The following CTNNA3 variants were observed in gnomAD, a reference collection of about 807,000 sequenced individuals.
CTNNA3 encodes the protein catenin alpha-3.
A neutral mutation model predicts 95.7 loss-of-function variants in CTNNA3; 76 were observed. That is an observed-to-expected ratio of 0.79 (90% CI 0.66 to 0.96). CTNNA3 has a LOEUF of 0.96. Among genes scored for constraint, CTNNA3 ranks in the 40% least tolerant of loss-of-function variants. The pLI, the probability that CTNNA3 is intolerant of heterozygous loss-of-function variation, is 0.00. For missense variants in CTNNA3, 1,191 were observed against 1,089.8 expected (o/e 1.09, Z -1.31); for synonymous variants, 431 against 374.4 (o/e 1.15, Z -1.74).
intron 2 of CTNNA3, among the ~76,000 whole-genome samples, chr10:67,629,187 T>C (rs1249470552): frequency 2.0e-5 from 3 of 152,162 alleles, no homozygotes; most frequent in African/African-American, 7.2e-5. Context: ...TTTTAAAGGC[T>C]ACAATTCCCC....
intron 5 of CTNNA3, among the ~76,000 whole-genome samples, chr10:67,252,896 A>C (rs1290508367): frequency 1.3e-5 from 2 of 152,214 alleles, no homozygotes; most frequent in Non-Finnish European, 2.9e-5. Flanking sequence ...TATGCACTGT[A>C]TCTGTAAAGT....
At chr10:67,563,249 G>C (rs559267848) in intron 3 of CTNNA3, among the ~76,000 whole-genome samples, 3 of 152,080 alleles carry the variant, frequency 2.0e-5, no homozygotes, top group Non-Finnish European at 4.4e-5. Context: ...ATACTACAAG[G>C]CTACAGTAAC....
At chr10:66,789,398 C>T (rs568938990) in intron 7 of CTNNA3, among the ~76,000 whole-genome samples, 1 of 152,188 alleles carries the variant, frequency 6.6e-6, no homozygotes, top group Admixed American at 6.5e-5. Context: ...TGGTCTTGAA[C>T]TCCTGACCAC....
At chr10:66,706,690 C>T (rs115557692) in intron 9 of CTNNA3, among the ~76,000 whole-genome samples, 2 of 152,058 alleles carry the variant, frequency 1.3e-5, no homozygotes, top group African/African-American at 4.8e-5. Context: ...TAATCCTTTA[C>T]CCTAAAAATT....
intron 11 of CTNNA3, among the ~76,000 whole-genome samples, chr10:66,489,010 G>C (rs760491561): frequency 5.9e-5 from 9 of 152,030 alleles, no homozygotes; most frequent in Admixed American, 2.0e-4. Flanking sequence ...GAAGAGGAGA[G>C]GGATTTCAGT....
At chr10:65,973,525 G>A (rs2078150659) in intron 16 of CTNNA3, among the ~76,000 whole-genome samples, 1 of 152,052 alleles carries the variant, frequency 6.6e-6, no homozygotes. Context: ...ATTAAAAATG[G>A]GTAAATGGTA....
intron 10 of CTNNA3, among the ~76,000 whole-genome samples, chr10:66,606,041 G>T (rs1225446373): frequency 2.0e-5 from 3 of 151,868 alleles, no homozygotes; most frequent in African/African-American, 4.8e-5. Context: ...GATTTCACAT[G>T]CAATGACACC....
At chr10:66,860,251 A>G (rs1843863598) in intron 7 of CTNNA3, among the ~76,000 whole-genome samples, 1 of 152,190 alleles carries the variant, frequency 6.6e-6, no homozygotes, top group Non-Finnish European at 1.5e-5. Flanking sequence ...AATGGACTTT[A>G]GAAATAATCT....
Position 66,829,106 on chromosome 10 carries a change from G to A in CTNNA3, c.1048-53582C>T, listed in dbSNP as rs184991983. 3.9e-5 allele frequency among the ~76,000 whole-genome samples: 6 copies of A among 152,262 alleles called. No individual in the cohort carries two copies. In the East Asian group the frequency reaches 1.2e-3, roughly 29 times the overall value. ...AACAATAAAGGAAGGATATCCTTGG[G>A]CCACTCCATGTCAATAGCTAGAAAA... On this transcript the variant is annotated intron_variant, in intron 7 of 17. Coordinates refer to ENST00000433211, the MANE Select transcript of CTNNA3 (RefSeq NM_013266.4).
intron 17 of CTNNA3, among the ~76,000 whole-genome samples, chr10:65,965,134 A>G (rs2077929699): frequency 6.6e-6 from 1 of 152,156 alleles, no homozygotes; most frequent in African/African-American, 2.4e-5. Flanking sequence ...AGAATGCAAT[A>G]CCATCTTATA....
At chr10:66,059,045 C>A (rs2080141969) in intron 15 of CTNNA3, among the ~76,000 whole-genome samples, 1 of 151,494 alleles carries the variant, frequency 6.6e-6, no homozygotes, top group African/African-American at 2.4e-5. Context: ...GAAGGTTGGC[C>A]CATTACCAGA....
chr10:66,619,764 G>A (rs992275241), intron 10 of CTNNA3, among the ~76,000 whole-genome samples: 10 of 151,492 alleles, frequency 6.6e-5, no homozygotes, highest in African/African-American at 2.4e-4. Flanking sequence ...CTGTCCATAT[G>A]GCCATATGTG....
At chr10:67,627,594 C>T (rs1489944965) in intron 2 of CTNNA3, among the ~76,000 whole-genome samples, 1 of 152,026 alleles carries the variant, frequency 6.6e-6, no homozygotes, top group Non-Finnish European at 1.5e-5. Flanking sequence ...ATGTTTGAGT[C>T]ATTTCTAAGT....
intron 7 of CTNNA3, among the ~76,000 whole-genome samples, chr10:66,821,204 T>C (rs951826581): frequency 6.6e-6 from 1 of 152,176 alleles, no homozygotes; most frequent in Admixed American, 6.6e-5. Flanking sequence ...AAAATTGTAA[T>C]TAGATATGCT....
At chr10:66,788,382 G>A (rs909990079) in intron 7 of CTNNA3, among the ~76,000 whole-genome samples, 3 of 152,130 alleles carry the variant, frequency 2.0e-5, no homozygotes, top group Non-Finnish European at 4.4e-5. Context: ...CAAAGCTCCC[G>A]ATGAAGCACA....
chr10:66,589,617 T>C (rs1486527), intron 10 of CTNNA3, among the ~76,000 whole-genome samples: 43,231 of 152,058 alleles, frequency 0.28, 6,559 homozygotes, highest in Middle Eastern at 0.43. Flanking sequence ...AAAGCACCTA[T>C]TCCTTTTTAC....
At chr10:66,373,568 C>T (rs1417071436) in intron 12 of CTNNA3, among the ~76,000 whole-genome samples, 1 of 148,568 alleles carries the variant, frequency 6.7e-6, no homozygotes, top group Non-Finnish European at 1.5e-5. Flanking sequence ...GATCTGCAGA[C>T]AGAAACCTCT....
intron 5 of CTNNA3, among the ~76,000 whole-genome samples, chr10:67,422,310 C>G (rs1053076038): frequency 1.3e-5 from 2 of 151,832 alleles, no homozygotes; most frequent in Non-Finnish European, 1.5e-5. Flanking sequence ...TATACAATAA[C>G]GTATGTAAGG....
In CTNNA3 at chr10:67,599,581, A is replaced by G. The variant is rs75165872; in HGVS notation, c.292+7276T>C. On this transcript the variant is annotated intron_variant, in intron 3 of 17. Transcript: ENST00000433211. The stretch of plus-strand genomic sequence containing the variant: ...AATTCAGGAACTAAAGTAAAAAAAA[A>G]GTTCACTGGATGGATTTTAAAATAG... 4.3e-4 allele frequency among the ~76,000 whole-genome samples: 65 copies of G among 152,318 alleles called. No homozygotes were observed. The East Asian group carries it at 0.011, about 26-fold the overall frequency.
Sources: allele counts gnomAD v4.1 joint callset (sites outside exome capture counted in the v4.1 genomes callset), GRCh38; gene constraint gnomAD v4.1.1; transcripts MANE v1.5; gene names NCBI Gene and HGNC (gene_info 2026-07-23, HGNC 2026-07-21).